The following ANKFN1 variants were observed in gnomAD, a reference collection of about 807,000 sequenced individuals.
ANKFN1 encodes the protein ankyrin repeat and fibronectin type-III domain-containing protein 1.
A neutral mutation model predicts 108.7 loss-of-function variants in ANKFN1; 74 were observed. The ratio of observed to expected loss-of-function variants is 0.68; its 90% CI spans 0.56 to 0.83. ANKFN1 has a LOEUF of 0.83. Ranked by LOEUF, ANKFN1 falls within the 40% of genes least tolerant of loss-of-function variation. ANKFN1 has a pLI of 0.00. For missense variants in ANKFN1, 1,505 were observed against 1,382.3 expected (o/e 1.09, Z -1.41); for synonymous variants, 547 against 516.2 (o/e 1.06, Z -0.81).
intron 4 of ANKFN1, among the ~76,000 whole-genome samples, chr17:56,133,756 T>C (rs567523360): frequency 1.3e-5 from 2 of 152,022 alleles, no homozygotes; most frequent in African/African-American, 4.8e-5. Flanking sequence ...TGAACTGTAC[T>C]ATTAGAGATA....
intron 1 of ANKFN1, among the ~76,000 whole-genome samples, chr17:56,204,537 C>T (rs1357112574): frequency 2.6e-5 from 4 of 151,642 alleles, no homozygotes; most frequent in African/African-American, 2.4e-5. Context: ...GCTGGGGTTT[C>T]GCCATGTTGG....
intron 8 of ANKFN1, among the ~76,000 whole-genome samples, chr17:56,384,222 G>A (rs185544628): frequency 0.013 from 1,943 of 152,150 alleles, 21 homozygotes; most frequent in Non-Finnish European, 0.022. Flanking sequence ...AACCAAAGAC[G>A]AAAACCACGT....
chr17:56,337,201 T>C (rs1240591634), intron 4 of ANKFN1, among the ~76,000 whole-genome samples: 2 of 152,116 alleles, frequency 1.3e-5, no homozygotes, highest in Non-Finnish European at 1.5e-5. Context: ...TTCTGTTGAT[T>C]TGGGGTTGAG....
chr17:56,501,022 A>C (rs2051351895), intron 20 of ANKFN1, among the ~76,000 whole-genome samples: 1 of 152,214 alleles, frequency 6.6e-6, no homozygotes, highest in Non-Finnish European at 1.5e-5. Context: ...GATGATCAGC[A>C]GAGACCTATC....
At chr17:56,167,506 G>A (rs1910263029) in intron 1 of ANKFN1, among the ~76,000 whole-genome samples, 1 of 151,972 alleles carries the variant, frequency 6.6e-6, no homozygotes, top group South Asian at 2.1e-4. Context: ...AAACTTTGGA[G>A]CCCAATTAAA....
chr17:56,395,283 T>C (rs1250903614), intron 8 of ANKFN1, among the ~76,000 whole-genome samples: 2 of 152,174 alleles, frequency 1.3e-5, no homozygotes, highest in Non-Finnish European at 2.9e-5. Context: ...TTATCACCCC[T>C]ACACTTGAAA....
At chr17:56,325,921 G>T (rs997871450) in intron 3 of ANKFN1, among the ~76,000 whole-genome samples, 14 of 152,152 alleles carry the variant, frequency 9.2e-5, no homozygotes, top group African/African-American at 3.4e-4. Flanking sequence ...ATTCAGTCTT[G>T]TTTACTATGT....
intron 1 of ANKFN1, among the ~76,000 whole-genome samples, chr17:56,209,761 A>G (rs930000556): frequency 2.0e-5 from 3 of 151,820 alleles, no homozygotes; most frequent in African/African-American, 7.3e-5. Flanking sequence ...ATTTTGGTGC[A>G]CCATCAGCCA....
At position 56,326,322 on chromosome 17, in the gene ANKFN1, C is replaced by T. The variant is rs139584887; in HGVS notation, c.155C>T (p.Thr52Ile). The change falls in exon 4 of 21, where the codon ACT (threonine) becomes ATT (isoleucine). Residue 52 changes from threonine (T) to isoleucine (I), a missense_variant. Thr to Ile is a moderately conservative substitution (Grantham distance 89). Coordinates refer to ENST00000682825, the MANE Select transcript of ANKFN1 (RefSeq NM_001370326.1). ...LNESTGQLPT[T>I]CSSAASNSIN... is the part of the protein sequence containing the mutation. ...GAAAGCACTGGACAATTACCAACAA[C>T]TTGTTCCTCTGCTGCCTCGAACAGC... 1.3e-5 allele frequency: 21 copies of T among 1,613,690 alleles called. No individual in the cohort carries two copies. The highest frequency in any genetic ancestry group is 2.2e-5 in the South Asian group (2 of 91,004).
chr17:56,175,648 C>A (rs1177267728), intron 1 of ANKFN1, among the ~76,000 whole-genome samples: 2 of 152,316 alleles, frequency 1.3e-5, no homozygotes, highest in East Asian at 3.9e-4. Context: ...TTGTCACCAT[C>A]CATTTCCACC....
chr17:56,300,352 T>A lies in ANKFN1; in HGVS notation c.54-25869T>A, dbSNP rs183713425. Among the ~76,000 whole-genome samples, 299 of 152,344 alleles carry A rather than the reference T, an allele frequency of 2.0e-3. 4 individuals are homozygous for A. The highest frequency in any genetic ancestry group is 0.015 in the Admixed American group (236 of 15,308). The stretch of plus-strand genomic sequence containing the variant: ...TTTGGGTTTGTCAAGCATCTCAAGT[T>A]ATTTCTCAGGAGTTGGGGTTTGGCA... On this transcript the variant is annotated intron_variant, in intron 3 of 20. Transcript: ENST00000682825.
At chr17:56,299,704 C>T (rs1326444248) in intron 3 of ANKFN1, among the ~76,000 whole-genome samples, 1 of 152,166 alleles carries the variant, frequency 6.6e-6, no homozygotes, top group East Asian at 1.9e-4. Context: ...GTAGCAGAGA[C>T]CCCTGAGAGT....
At chr17:56,264,991 A>G (rs11650516) in intron 3 of ANKFN1, among the ~76,000 whole-genome samples, 1,672 of 152,110 alleles carry the variant, frequency 0.011, 24 homozygotes, top group African/African-American at 0.038. Context: ...TGATAACCCC[A>G]TCTAAATTAT....
chr17:56,203,976 A>G (rs1336392928), intron 1 of ANKFN1, among the ~76,000 whole-genome samples: 1 of 152,142 alleles, frequency 6.6e-6, no homozygotes, highest in Non-Finnish European at 1.5e-5. Context: ...TTTCCCTGAA[A>G]TGATATCTTA....
chr17:56,401,356 GTATTGTATTGTA>G (rs2047756733), intron 8 of ANKFN1, among the ~76,000 whole-genome samples: 2 of 91,704 alleles, frequency 2.2e-5, no homozygotes, highest in African/African-American at 3.6e-5. Flanking sequence ...GTATTGTATT[GTATTGTATTGTA>G]TTGTGTTGTG....
intron 8 of ANKFN1, among the ~76,000 whole-genome samples, chr17:56,397,022 C>T (rs2047608375): frequency 1.3e-5 from 2 of 151,450 alleles, no homozygotes; most frequent in South Asian, 4.2e-4. Flanking sequence ...TACCCCACCT[C>T]CAAAGAAAAG....
intron 4 of ANKFN1, among the ~76,000 whole-genome samples, chr17:56,113,245 A>G (rs1290002570): frequency 1.3e-5 from 2 of 152,164 alleles, no homozygotes; most frequent in Non-Finnish European, 2.9e-5. Context: ...AGTGAGGTGG[A>G]CCTAGCCTTA....
At chr17:56,501,706 G>A (rs975742341) in intron 20 of ANKFN1, among the ~76,000 whole-genome samples, 3 of 152,126 alleles carry the variant, frequency 2.0e-5, no homozygotes, top group Non-Finnish European at 4.4e-5. Context: ...CTGGAAAGAG[G>A]AGGTAGAATA....
At chr17:56,332,606 G>T (rs373048837) in intron 4 of ANKFN1, among the ~76,000 whole-genome samples, 1 of 151,904 alleles carries the variant, frequency 6.6e-6, no homozygotes, top group African/African-American at 2.4e-5. Flanking sequence ...GATCATATAC[G>T]TACAGGTTGT....
Sources: allele counts gnomAD v4.1 joint callset (sites outside exome capture counted in the v4.1 genomes callset), GRCh38; gene constraint gnomAD v4.1.1; transcripts MANE v1.5; gene names NCBI Gene and HGNC (gene_info 2026-07-23, HGNC 2026-07-21).